The following KLHL29 variants were observed in gnomAD, a reference collection of about 807,000 sequenced individuals.
KLHL29 encodes the protein kelch-like protein 29.
KLHL29 carries 21 observed loss-of-function variants against 80.4 expected under a neutral mutation model. That is an observed-to-expected ratio of 0.26 (90% CI 0.19 to 0.38). The LOEUF is 0.38. Ranked by LOEUF, KLHL29 falls within the 10% of genes least tolerant of loss-of-function variation. KLHL29 has a pLI of 1.00. For synonymous variants in KLHL29, 511 were observed against 526.8 expected (o/e 0.97, Z 0.41); for missense variants, 867 against 1,223.9 (o/e 0.71, Z 4.35).
At chr2:23,493,124 G>A (rs189600665) in intron 2 of KLHL29, among the ~76,000 whole-genome samples, 104 of 152,290 alleles carry the variant, frequency 6.8e-4, no homozygotes, top group African/African-American at 2.3e-3. Flanking sequence ...CAGGAATGAC[G>A]TAAGGTAGAG....
chr2:23,443,033 T>C (rs1355130263), intron 1 of KLHL29, among the ~76,000 whole-genome samples: 1 of 152,202 alleles, frequency 6.6e-6, no homozygotes, highest in Non-Finnish European at 1.5e-5. Flanking sequence ...GGCCCTTGTG[T>C]TGGAGCCACT....
intron 1 of KLHL29, among the ~76,000 whole-genome samples, chr2:23,391,036 C>T (rs1373581087): frequency 3.3e-5 from 5 of 152,170 alleles, no homozygotes; most frequent in South Asian, 2.1e-4. Context: ...AGTCTATACC[C>T]GTTAAACATC....
chr2:23,610,192 AT>A (rs2103529424), intron 3 of KLHL29, among the ~76,000 whole-genome samples: 1 of 152,140 alleles, frequency 6.6e-6, no homozygotes, highest in African/African-American at 2.4e-5. Flanking sequence ...TTGGGGTGGG[AT>A]GGGGCGATAC....
intron 2 of KLHL29, among the ~76,000 whole-genome samples, chr2:23,479,744 GTCC>G (rs1167466023): frequency 1.3e-5 from 2 of 152,096 alleles, no homozygotes; most frequent in African/African-American, 4.8e-5. Flanking sequence ...TACTGTCTCA[GTCC>G]TCCTCCCTCC....
At chr2:23,593,759 C>T (rs1358192462) in intron 3 of KLHL29, among the ~76,000 whole-genome samples, 1 of 152,206 alleles carries the variant, frequency 6.6e-6, no homozygotes, top group Non-Finnish European at 1.5e-5. Context: ...GCTGCCCTTA[C>T]AGTTTAGATA....
At chr2:23,493,622 G>A (rs1665169050) in intron 2 of KLHL29, among the ~76,000 whole-genome samples, 1 of 152,018 alleles carries the variant, frequency 6.6e-6, no homozygotes, top group South Asian at 2.1e-4. Context: ...ATCTCTGGGA[G>A]CGGGGTGGGC....
Position 23,521,203 on chromosome 2 carries a change from A to G in KLHL29, c.-45-40949A>G, listed in dbSNP as rs117923970. ...GGGGACTGCTTCGAGGGGCTTCCCC[A>G]AGGGCATTCCTTGTGGCCATGCAGA... On this transcript the variant is annotated intron_variant, in intron 2 of 13. Transcript: ENST00000486442. 2.0e-5 allele frequency among the ~76,000 whole-genome samples: 3 copies of G among 152,236 alleles called. No homozygotes were observed. The East Asian group carries it at 5.8e-4, about 29-fold the overall frequency.
intron 5 of KLHL29, among the ~76,000 whole-genome samples, chr2:23,651,825 C>T (rs115868889): frequency 6.6e-6 from 1 of 152,320 alleles, no homozygotes; most frequent in East Asian, 1.9e-4. Flanking sequence ...TCACTGTATC[C>T]TCACGTGGCC....
At chr2:23,431,842 A>T (rs1663189548) in intron 1 of KLHL29, among the ~76,000 whole-genome samples, 1 of 148,116 alleles carries the variant, frequency 6.8e-6, no homozygotes. Flanking sequence ...TGCAGTAGTC[A>T]GCCGAGCCGA....
chr2:23,512,885 G>A (rs895538296), intron 2 of KLHL29, among the ~76,000 whole-genome samples: 34 of 152,258 alleles, frequency 2.2e-4, no homozygotes, highest in African/African-American at 6.0e-4. Flanking sequence ...AGGTGACAAC[G>A]TGTCGTACTT....
At chr2:23,388,989 CTT>C (rs10691490) in intron 1 of KLHL29, among the ~76,000 whole-genome samples, 6,695 of 106,686 alleles carry the variant, frequency 0.063, 317 homozygotes, top group Admixed American at 0.21. Context: ...CTTTCTTCTT[CTT>C]TTTTTTTTTT....
intron 1 of KLHL29, among the ~76,000 whole-genome samples, chr2:23,411,268 A>AT (rs1391178919): frequency 6.6e-6 from 1 of 152,166 alleles, no homozygotes; most frequent in Non-Finnish European, 1.5e-5. Flanking sequence ...GGTTGAGGAC[A>AT]GGGTAGTGAG....
chr2:23,689,783 G>C lies in KLHL29; in HGVS notation c.1080-1891G>C, dbSNP rs141187741. Reference sequence around the variant, plus strand: ...GTACGAGGTTGACCAGATGGCTCTGGGGCCGGGGGTGTTGAGGATTTCTGT... The same window carrying C: ...GTACGAGGTTGACCAGATGGCTCTGCGGCCGGGGGTGTTGAGGATTTCTGT... On this transcript the variant is annotated intron_variant, in intron 6 of 13. Transcript: ENST00000486442. The C allele has an allele frequency of 3.3e-5, 5 of 152,398 alleles. No homozygotes were observed. In the East Asian group the frequency reaches 9.6e-4, roughly 29 times the overall value. 9.4% of individuals were successfully genotyped at this position (152,398 alleles called of 1,614,324 possible).
chr2:23,524,734 C>T, intron 2 of KLHL29, among the ~76,000 whole-genome samples: 1 of 152,228 alleles, frequency 6.6e-6, no homozygotes, highest in East Asian at 1.9e-4. Flanking sequence ...GTCCAGAAAG[C>T]TGGATTTAAA....
At chr2:23,548,316 C>G (rs549681072) in intron 2 of KLHL29, among the ~76,000 whole-genome samples, 1 of 151,870 alleles carries the variant, frequency 6.6e-6, no homozygotes, top group East Asian at 1.9e-4. Context: ...CACACACACA[C>G]AGACACAAGC....
chr2:23,403,802 T>C (rs1666656242), intron 1 of KLHL29, among the ~76,000 whole-genome samples: 1 of 151,614 alleles, frequency 6.6e-6, no homozygotes, highest in Admixed American at 6.6e-5. Context: ...TCTCAGTGTT[T>C]ATTTTTGCCA....
chr2:23,655,350 T>G (rs1248672479), intron 5 of KLHL29, among the ~76,000 whole-genome samples: 1 of 152,222 alleles, frequency 6.6e-6, no homozygotes, highest in Admixed American at 6.5e-5. Flanking sequence ...TTGAAGTTGA[T>G]GAGGCCTATT....
At chr2:23,400,597 G>A (rs1666576549) in intron 1 of KLHL29, among the ~76,000 whole-genome samples, 1 of 152,136 alleles carries the variant, frequency 6.6e-6, no homozygotes, top group Non-Finnish European at 1.5e-5. Flanking sequence ...GGGAGGCCAA[G>A]GTGGGAGCGT....
intron 6 of KLHL29, among the ~76,000 whole-genome samples, chr2:23,688,059 G>A (rs1005040331): frequency 6.6e-6 from 1 of 152,168 alleles, no homozygotes; most frequent in African/African-American, 2.4e-5. Flanking sequence ...CCCTGAGCAT[G>A]TGTGGGTGGC....
Sources: allele counts gnomAD v4.1 joint callset (sites outside exome capture counted in the v4.1 genomes callset), GRCh38; gene constraint gnomAD v4.1.1; transcripts MANE v1.5; gene names NCBI Gene and HGNC (gene_info 2026-07-23, HGNC 2026-07-21).